The following USP22 variants were observed in gnomAD, a reference collection of about 807,000 sequenced individuals.
The protein encoded by USP22 is ubiquitin carboxyl-terminal hydrolase 22.
A neutral mutation model predicts 68.1 loss-of-function variants in USP22; 22 were observed. The observed-to-expected ratio is 0.32, with a 90% confidence interval of 0.23 to 0.46. The LOEUF (loss-of-function observed/expected upper bound fraction) is 0.46, where lower values mean the gene tolerates loss of function less well. USP22 is among the 20% of genes least tolerant of loss of function. USP22 has a pLI of 1.00. For synonymous variants in USP22, 279 were observed against 274.2 expected (o/e 1.02, Z -0.17); for missense variants, 433 against 695.8 (o/e 0.62, Z 4.25).
intron 1 of USP22, among the ~76,000 whole-genome samples, chr17:21,031,688 C>G (rs1036754544): frequency 2.0e-5 from 3 of 150,468 alleles, no homozygotes; most frequent in Non-Finnish European, 4.4e-5. Context: ...TATAGTCTCT[C>G]TCTACTACAC....
chr17:21,025,492 C>G (rs1197145440), intron 2 of USP22, among the ~76,000 whole-genome samples: 1 of 152,224 alleles, frequency 6.6e-6, no homozygotes, highest in African/African-American at 2.4e-5. Context: ...TGCCAGCTCA[C>G]TTCTAGGTAT....
At chr17:21,004,816 G>T in intron 11 of USP22, 112 bp downstream of exon 11, 4 of 1,197,402 alleles carry the variant, frequency 3.3e-6, no homozygotes, top group Non-Finnish European at 4.8e-6. Flanking sequence ...CAGCCAAGCG[G>T]GAAGCAGGTC....
rs553443246 is a variant in USP22, at chr17:21,005,503, T to G, written c.1323-513A>C. Among the ~76,000 whole-genome samples the G allele has an allele frequency of 4.6e-5, 7 of 152,330 alleles. No individual in the cohort carries two copies. In the South Asian group the frequency reaches 1.5e-3, roughly 32 times the overall value. ...AGCCATGCACATTATTTACTGCATT[T>G]TCCTACAGCTGTGTTTGGCAGGAAA... On this transcript the variant is annotated intron_variant, in intron 10 of 12. Transcript: ENST00000261497.
intron 6 of USP22, among the ~76,000 whole-genome samples, chr17:21,013,950 TG>T (rs1914052205): frequency 6.6e-6 from 1 of 152,234 alleles, no homozygotes; most frequent in South Asian, 2.1e-4. Context: ...GGCGGGCGCC[TG>T]TAGTCCCAGC....
Position 21,000,760 on chromosome 17 carries a change from CTAAT to C in USP22, c.*2267_*2270del, listed in dbSNP as rs1453071010. ...ACTCTCCTTTCCATTAGATTTGTTC[CTAAT>C]TAAAAGACCACTCATAGGCCAGGTG... is the stretch of plus-strand genomic sequence containing the variant. On this transcript the variant is annotated 3_prime_UTR_variant, in exon 13 of 13. Coordinates refer to ENST00000261497, the MANE Select transcript of USP22 (RefSeq NM_015276.2). 1 of 152,200 alleles carries C rather than the reference CTAAT, an allele frequency of 6.6e-6. No homozygotes were observed. The highest frequency in any genetic ancestry group is 1.5e-5 in the Non-Finnish European group (1 of 68,062). The allele number at this position is 152,200 out of a possible 1,614,324, so 9.4% of individuals were successfully genotyped here. A position where few individuals can be genotyped will look rare whatever the true frequency, so the allele number is the denominator to read the frequency against.
At chr17:21,037,977 T>TTC (rs1026787921) in intron 1 of USP22, among the ~76,000 whole-genome samples, 5 of 152,330 alleles carry the variant, frequency 3.3e-5, no homozygotes, top group African/African-American at 1.2e-4. Context: ...ATTAAAACCT[T>TTC]AAACAGAAAA....
In USP22 at chr17:21,000,292, T is replaced by C. The variant is rs1401619489; in HGVS notation, c.*2739A>G. The C allele has an allele frequency of 3.9e-5, 6 of 152,116 alleles. No homozygotes were observed. Among genetic ancestry groups the C allele is most frequent in the African/African-American group, 1.4e-4 (6 of 41,410 alleles). 9.4% of individuals were successfully genotyped at this position (152,116 alleles called of 1,614,324 possible). On this transcript the variant is annotated 3_prime_UTR_variant, in exon 13 of 13. Coordinates refer to ENST00000261497, the MANE Select transcript of USP22 (RefSeq NM_015276.2). ...TGAACCCAACGCGTAAATATTTTGT[T>C]CTGACAAAGTAAATTCACAAGAACA... is the stretch of plus-strand genomic sequence containing the variant.
intron 12 of USP22, 89 bp downstream of exon 12, chr17:21,004,113 C>T: frequency 6.5e-7 from 1 of 1,536,984 alleles, no homozygotes. Flanking sequence ...TCGAGTGGTT[C>T]TAGGCTCAGA....
At position 21,016,841 on chromosome 17, in the gene USP22, C is replaced by CAGT. The variant is rs769277389; in HGVS notation, c.691-945_691-943dup. 1.0e-3 allele frequency among the ~76,000 whole-genome samples: 158 copies of CAGT among 152,270 alleles called. 1 individual carries two copies. The highest frequency in any genetic ancestry group is 1.9e-3 in the Non-Finnish European group (130 of 68,020). ...AACAGTTCTTCATCTTGAGTAGCAG[C>CAGT]AGTTACACAACTATGCATTCGTCGA... On this transcript the variant is annotated intron_variant, in intron 5 of 12. Coordinates refer to ENST00000261497, the MANE Select transcript of USP22 (RefSeq NM_015276.2).
chr17:21,019,074 C>A lies in USP22; in HGVS notation c.520+10G>T. 1 of 1,613,832 alleles carries A rather than the reference C, an allele frequency of 6.2e-7. No individual in the cohort carries two copies. The highest frequency in any genetic ancestry group is 8.5e-7 in the Non-Finnish European group (1 of 1,179,726). ...AAGCCTAGCTGAGAGTGACGACACG[C>A]TCCACCCACCTATGGTGCAGTTCGA... On this transcript the variant is annotated intron_variant, in intron 4 of 12. Coordinates refer to ENST00000261497, the MANE Select transcript of USP22 (RefSeq NM_015276.2).
intron 11 of USP22, 90 bp from the exon 12 acceptor site, chr17:21,004,441 G>A (rs2143508718): frequency 1.3e-6 from 2 of 1,518,994 alleles, no homozygotes; most frequent in South Asian, 1.2e-5. Context: ...AGCCCAGGCA[G>A]GGAGCGGGAG....
intron 1 of USP22, among the ~76,000 whole-genome samples, chr17:21,031,153 T>G (rs560337338): frequency 6.6e-6 from 1 of 152,346 alleles, no homozygotes; most frequent in East Asian, 1.9e-4. Flanking sequence ...ACTATTAAAT[T>G]GAACACATGT....
intron 1 of USP22, among the ~76,000 whole-genome samples, chr17:21,034,919 G>C (rs374833611): frequency 6.6e-6 from 1 of 152,162 alleles, no homozygotes. Flanking sequence ...AAGTTTGCAC[G>C]TAATACAAAT....
chr17:20,999,999 A>C lies in USP22; in HGVS notation c.*3032T>G, dbSNP rs958600256. On this transcript the variant is annotated 3_prime_UTR_variant, in exon 13 of 13. Transcript: ENST00000261497. ...CCGGGGCCAGAGGGAGGCCGCCCAC[A>C]CTCCCAGCACATCACCTGCCTCAAA... 1 of 152,000 alleles carries C rather than the reference A, an allele frequency of 6.6e-6. No individual in the cohort carries two copies. The highest frequency in any genetic ancestry group is 2.4e-5 in the African/African-American group (1 of 41,332). The allele number at this position is 152,000 out of a possible 1,614,324, so 9.4% of individuals were successfully genotyped here. A position where few individuals can be genotyped will look rare whatever the true frequency, so the allele number is the denominator to read the frequency against.
chr17:21,005,137 T>C (rs1406244372), intron 10 of USP22, 147 bp from the exon 11 acceptor site: 5 of 923,180 alleles, frequency 5.4e-6, no homozygotes, highest in Non-Finnish European at 8.2e-6. Flanking sequence ...AATCTCCCCA[T>C]GTTTCGTGAG....
At chr17:21,023,644 C>CAA (rs57776078) in intron 2 of USP22, among the ~76,000 whole-genome samples, 27 of 106,952 alleles carry the variant, frequency 2.5e-4, no homozygotes, top group East Asian at 8.5e-4. Flanking sequence ...GACTATGTCT[C>CAA]AAAAAAAAAA....
intron 1 of USP22, among the ~76,000 whole-genome samples, chr17:21,031,220 A>AG (rs1173042429): frequency 2.6e-5 from 4 of 152,250 alleles, no homozygotes; most frequent in African/African-American, 9.6e-5. Context: ...GACACGTACA[A>AG]GGACTTTTGT....
At chr17:21,010,158 T>G (rs1383721894) in intron 8 of USP22, among the ~76,000 whole-genome samples, 2 of 151,922 alleles carry the variant, frequency 1.3e-5, no homozygotes, top group Non-Finnish European at 2.9e-5. Flanking sequence ...AGCAAGACCC[T>G]ATCTCAAAAA....
intron 1 of USP22, among the ~76,000 whole-genome samples, chr17:21,039,945 C>G (rs1972405340): frequency 6.6e-6 from 1 of 152,208 alleles, no homozygotes. Flanking sequence ...TGGCTCTGGC[C>G]TGTAATCCCA....
Sources: gnomAD v4.1 joint callset for allele counts (sites outside exome capture counted in the v4.1 genomes callset) on GRCh38, gnomAD v4.1.1 for gene constraint, MANE v1.5 for transcripts, NCBI Gene and HGNC (gene_info 2026-07-23, HGNC 2026-07-21) for gene names.